PAEP: variants seen among roughly 807,000 people sequenced by gnomAD.
PAEP encodes progestagen associated endometrial protein, also known as glycodelin.
In PAEP, 28 loss-of-function variants were observed where a neutral mutation model predicts 23.0. That is an observed-to-expected ratio of 1.22 (90% CI 0.90 to 1.67). The LOEUF (loss-of-function observed/expected upper bound fraction) is 1.67, where lower values mean the gene tolerates loss of function less well. PAEP is among the 40% of genes most tolerant of loss of function. PAEP has a pLI of 0.00. For missense variants in PAEP, 209 were observed against 226.4 expected (o/e 0.92, Z 0.49); for synonymous variants, 103 against 92.4 (o/e 1.12, Z -0.66).
rs186327730 is a variant in PAEP at position 135,565,576 on chromosome 9, C to T, written c.526+62C>T. The T allele has an allele frequency of 4.4e-4, 666 of 1,497,056 alleles. 11 individuals carry two copies. In the East Asian group the frequency reaches 0.011, roughly 25 times the overall value. 92.7% of individuals were successfully genotyped at this position (1,497,056 alleles called of 1,614,324 possible). On this transcript the variant is annotated intron_variant, in intron 5 of 6. Transcript: ENST00000479141. Reference sequence around the variant, plus strand: ...AGGAGAAGCTGCCTCTTTCTTAGCCCGAGCCCCCTGCTGGCTCTGCAGGAC... The same window carrying T: ...AGGAGAAGCTGCCTCTTTCTTAGCCTGAGCCCCCTGCTGGCTCTGCAGGAC...
At chr9:135,564,702 A>G (rs1309747132) in intron 4 of PAEP, 1 of 669,348 alleles carries the variant, frequency 1.5e-6, no homozygotes, top group South Asian at 6.7e-5. Flanking sequence ...ACGGGGTTTC[A>G]CCATGTTGGC....
intron 4 of PAEP, chr9:135,564,694 G>T (rs527748353): frequency 1.6e-6 from 1 of 621,498 alleles, no homozygotes; most frequent in East Asian, 1.4e-4. Flanking sequence ...TGGTAGAGAC[G>T]GGGTTTCACC....
intron 3 of PAEP, among the ~76,000 whole-genome samples, chr9:135,563,243 T>G (rs1177486472): frequency 1.4e-5 from 2 of 143,320 alleles, no homozygotes; most frequent in African/African-American, 5.2e-5. Flanking sequence ...GGTAGGTGGG[T>G]AGGTGGATAT....
Position 135,562,284 on chromosome 9 carries a change from G to A in PAEP, c.97-10G>A, listed in dbSNP as rs1588171337. 6.2e-7 allele frequency: 1 copy of A among 1,612,790 alleles called. No individual in the cohort carries two copies. Among genetic ancestry groups the A allele is most frequent in the South Asian group, 1.1e-5 (1 of 90,834 alleles). On this transcript the variant is annotated splice_polypyrimidine_tract_variant and intron_variant, in intron 1 of 6. Transcript: ENST00000479141. ...GGGTGGGACCGCCGTGCAGCCCAAG[G>A]CCCCCTCAGTTGGCAGGGACCTGGC... is the stretch of plus-strand genomic sequence containing the variant.
At chr9:135,563,809 T>G (rs1832450324) in intron 3 of PAEP, among the ~76,000 whole-genome samples, 1 of 152,202 alleles carries the variant, frequency 6.6e-6, no homozygotes, top group African/African-American at 2.4e-5. Flanking sequence ...TACAGTTTGC[T>G]TCTCATGCTT....
At chr9:135,563,974 C>A (rs1459142113) in intron 3 of PAEP, among the ~76,000 whole-genome samples, 1 of 152,214 alleles carries the variant, frequency 6.6e-6, no homozygotes, top group Admixed American at 6.5e-5. Context: ...GTTGGAGTCT[C>A]TCCAGGTCAC....
intron 2 of PAEP, 48 bp downstream of exon 2, chr9:135,562,481 C>G (rs183461979): frequency 1.9e-6 from 3 of 1,597,344 alleles, no homozygotes; most frequent in South Asian, 2.3e-5. Flanking sequence ...TCAGTCTCCC[C>G]CCTCAGGGGT....
At chr9:135,565,320 T>C (rs752469840) in intron 4 of PAEP, 90 bp from the exon 5 acceptor site, 4 of 1,085,276 alleles carry the variant, frequency 3.7e-6, no homozygotes, top group Non-Finnish European at 5.7e-6. Flanking sequence ...GGCCTCCTTC[T>C]CTGCCCTCCC....
At chr9:135,565,831 G>C (rs746798055) in intron 6 of PAEP, 30 bp downstream of exon 6, 1 of 1,613,656 alleles carries the variant, frequency 6.2e-7, no homozygotes, top group Admixed American at 1.7e-5. Flanking sequence ...TGCCTCCTGG[G>C]TAATGTATCA....
In PAEP at chr9:135,562,820, G is replaced by A. The variant is rs749076505; in HGVS notation, c.237G>A (p.Trp79Ter). 7 of 1,612,974 alleles carry A rather than the reference G, an allele frequency of 4.3e-6. No individual in the cohort carries two copies. Among genetic ancestry groups the A allele is most frequent in the Non-Finnish European group, 5.9e-6 (7 of 1,179,236 alleles). ...EDNLEIVLHRWENNSCVEKKV... is the reference protein window; with the variant it reads ...EDNLEIVLHR ...TCATCCTATTGTCACCACCTTTCAG[G>A]GAGAACAACAGCTGTGTTGAGAAGA... The change falls in exon 3 of 7, where the codon TGG (tryptophan) becomes TGA (stop). Residue 79 changes from tryptophan (W) to a stop codon, truncating the protein, a stop_gained and splice_region_variant. Transcript: ENST00000479141. LOFTEE classifies it high-confidence loss of function.
In PAEP at chr9:135,566,594, C is replaced by T. The variant is rs890153989; in HGVS notation, c.*42C>T. On this transcript the variant is annotated 3_prime_UTR_variant, in exon 7 of 7. Coordinates refer to ENST00000479141, the MANE Select transcript of PAEP (RefSeq NM_002571.4). ...GGAAGACCAGACTCCCACCCTTCCACACCTCCAGAGCAGTGGGACTTCCTC... is the reference window on the plus strand; with the variant it reads ...GGAAGACCAGACTCCCACCCTTCCATACCTCCAGAGCAGTGGGACTTCCTC... The T allele has an allele frequency of 6.5e-6, 1 of 155,018 alleles. No homozygotes were observed. The highest frequency in any genetic ancestry group is 1.9e-4 in the East Asian group (1 of 5,202). The allele number at this position is 155,018 out of a possible 1,614,324, so 9.6% of individuals were successfully genotyped here. A position where few individuals can be genotyped will look rare whatever the true frequency, so the allele number is the denominator to read the frequency against.
chr9:135,564,316 C>T lies in PAEP; in HGVS notation c.383C>T (p.Thr128Ile). ...TTCCTGTTTCTCTGCCTACAGGACA[C>T]CACCACCCCCATCCAGAGCATGATG... ...DNFLFLCLQD[T>I]TTPIQSMMCQ... Residue 128 changes from threonine (T) to isoleucine (I), a missense_variant, in exon 4 of 7, where the codon ACC becomes ATC. By Grantham distance (89) the Thr-to-Ile change is moderately conservative (BLOSUM62 -1). Coordinates refer to ENST00000479141, the MANE Select transcript of PAEP (RefSeq NM_002571.4). 4 of 1,551,744 alleles carry T rather than the reference C, an allele frequency of 2.6e-6. No homozygotes were observed. Among genetic ancestry groups the T allele is most frequent in the Non-Finnish European group, 3.5e-6 (4 of 1,147,424 alleles).
intron 3 of PAEP, 90 bp from the exon 4 acceptor site, chr9:135,564,154 C>G: frequency 6.6e-7 from 1 of 1,514,406 alleles, no homozygotes; most frequent in East Asian, 2.5e-5. Flanking sequence ...GAGGAAGCCA[C>G]TTAGTGTGGT....
rs559309632 is a variant in PAEP at position 135,564,528 on chromosome 9, G to C, written c.421+174G>C. On this transcript the variant is annotated intron_variant, in intron 4 of 6. Transcript: ENST00000479141. ...TTGTTTGCTTTGTTTTTTTGAGAAAGGGTCTCATTCTGTCACTCAGGCTGG... is the reference window on the plus strand; with the variant it reads ...TTGTTTGCTTTGTTTTTTTGAGAAACGGTCTCATTCTGTCACTCAGGCTGG... 1.5e-3 allele frequency: 1,479 copies of C among 968,350 alleles called. 1 individual carries two copies. Among genetic ancestry groups the C allele is most frequent in the Non-Finnish European group, 1.6e-3 (1,331 of 814,466 alleles). The allele number at this position is 968,350 out of a possible 1,614,324, so 60.0% of individuals were successfully genotyped here.
Position 135,562,861 on chromosome 9 carries a change from A to G in PAEP, c.278A>G (p.Lys93Arg), listed in dbSNP as rs1342085934. 1.2e-6 allele frequency: 2 copies of G among 1,614,060 alleles called. No homozygotes were observed. Among genetic ancestry groups the G allele is most frequent in the Non-Finnish European group, 1.7e-6 (2 of 1,179,936 alleles). ...SCVEKKVLGEKTENPKKFKIN... is the reference protein window; with the variant it reads ...SCVEKKVLGERTENPKKFKIN... ...GTTGAGAAGAAGGTCCTTGGAGAGA[A>G]GACTGAGAATCCAAAGAAGTTCAAG... Residue 93 changes from lysine (K) to arginine (R), a missense_variant, in exon 3 of 7, where the codon AAG becomes AGG. Coordinates refer to ENST00000479141, the MANE Select transcript of PAEP (RefSeq NM_002571.4).
At chr9:135,565,544 C>T (rs368093964) in intron 5 of PAEP, 30 bp downstream of exon 5, 7 of 1,578,352 alleles carry the variant, frequency 4.4e-6, no homozygotes, top group Non-Finnish European at 5.2e-6. Flanking sequence ...CGCCCAGCCT[C>T]AGCTGGAGGA....
Position 135,561,943 on chromosome 9 carries a change from C to T in PAEP, c.96+46C>T, listed in dbSNP as rs541714509. 1.3e-3 allele frequency: 863 copies of T among 654,970 alleles called. 17 individuals carry two copies. Among genetic ancestry groups the T allele is most frequent in the South Asian group, 0.012 (824 of 66,580 alleles). The allele number at this position is 654,970 out of a possible 1,614,324, so 40.6% of individuals were successfully genotyped here. A position where few individuals can be genotyped will look rare whatever the true frequency, so the allele number is the denominator to read the frequency against. On this transcript the variant is annotated intron_variant, in intron 1 of 6. Coordinates refer to ENST00000479141, the MANE Select transcript of PAEP (RefSeq NM_002571.4). ...GCACTTTACTGTGGGAGGCCTGGGG[C>T]GGGTGGGAGCTGCGGGCAGGCAGGA...
intron 3 of PAEP, among the ~76,000 whole-genome samples, chr9:135,563,338 G>C (rs987324931): frequency 4.1e-4 from 3 of 7,368 alleles, no homozygotes; most frequent in African/African-American, 9.6e-4. Context: ...GAACAGGTGG[G>C]CAGGTGAGCA....
chr9:135,565,497 A>G lies in PAEP; in HGVS notation c.509A>G (p.Asp170Gly), dbSNP rs773993548. The G allele has an allele frequency of 9.9e-6, 16 of 1,613,892 alleles. No individual in the cohort carries two copies. The highest frequency in any genetic ancestry group is 1.7e-5 in the Admixed American group (1 of 60,024). ...CCCAGGCACCTATGGTACTTGCTGGACTTGAAACAGATGGAAGGTGAGCTC... is the reference window on the plus strand; with the variant it reads ...CCCAGGCACCTATGGTACTTGCTGGGCTTGAAACAGATGGAAGGTGAGCTC... ...PLPRHLWYLL[D>G]LKQMEEPCRF Residue 170 changes from aspartate to glycine, a missense_variant, in exon 5 of 7, where the codon GAC becomes GGC. By Grantham distance (94) the Asp-to-Gly change is moderately conservative. Coordinates refer to ENST00000479141, the MANE Select transcript of PAEP (RefSeq NM_002571.4).
Sources: allele counts gnomAD v4.1 joint callset (sites outside exome capture counted in the v4.1 genomes callset), GRCh38; gene constraint gnomAD v4.1.1; transcripts MANE v1.5; gene names NCBI Gene and HGNC (gene_info 2026-07-23, HGNC 2026-07-21).